The following WWOX variants were observed in gnomAD, a reference collection of about 807,000 sequenced individuals.
WWOX encodes the protein WW domain containing oxidoreductase, also known as WW domain-containing oxidoreductase.
Under a neutral mutation model 46.2 loss-of-function variants are expected in WWOX, and 69 were observed. The observed-to-expected ratio is 1.49, with a 90% CI of 1.23 to 1.82. The LOEUF is 1.82. Among genes scored for constraint, WWOX ranks in the 40% most tolerant of loss-of-function variants. The pLI is 0.00. For synonymous variants in WWOX, 359 were observed against 202.6 expected, an observed-to-expected ratio of 1.77 and a Z score of -6.56; for missense variants, 919 against 542.6, an observed-to-expected ratio of 1.69 and a Z score of -6.89.
At position 79,034,064 on chromosome 16, in the gene WWOX, G is replaced by A. The variant is rs62040103; in HGVS notation, c.1057-177544G>A. ...GGCTCACGGCTGTGGCTGTGCCCAC[G>A]TGGTCTGTGTGGGCTGGTGGTAATG... On this transcript the variant is annotated intron_variant, in intron 8 of 8. Coordinates refer to ENST00000566780, the MANE Select transcript of WWOX (RefSeq NM_016373.4). Among the ~76,000 whole-genome samples the A allele has an allele frequency of 7.2e-5, 11 of 152,282 alleles. No individual in the cohort carries two copies. The East Asian group carries it at 1.5e-3, about 21-fold the overall frequency.
At chr16:78,128,923 C>T (rs1264714223) in intron 4 of WWOX, among the ~76,000 whole-genome samples, 1 of 152,192 alleles carries the variant, frequency 6.6e-6, no homozygotes, top group Non-Finnish European at 1.5e-5. Flanking sequence ...ATTAAAAATG[C>T]TGTTACAGCT....
intron 8 of WWOX, among the ~76,000 whole-genome samples, chr16:78,456,944 T>C (rs1567584377): frequency 6.6e-6 from 1 of 152,234 alleles, no homozygotes; most frequent in South Asian, 2.1e-4. Flanking sequence ...TTGCATTGTT[T>C]GAAGAGGGAA....
intron 5 of WWOX, among the ~76,000 whole-genome samples, chr16:78,364,666 A>G (rs866313308): frequency 1.0e-5 from 1 of 95,728 alleles, no homozygotes; most frequent in Admixed American, 9.3e-5. Flanking sequence ...CTCTTTCTCT[A>G]TAATACAGAA....
chr16:78,535,334 T>C (rs142659601), intron 8 of WWOX: 5 of 152,360 alleles, frequency 3.3e-5, no homozygotes, highest in African/African-American at 9.6e-5. Flanking sequence ...ATGGATGATA[T>C]GGGTAATGAC....
chr16:78,235,337 G>C (rs986823588), intron 5 of WWOX, among the ~76,000 whole-genome samples: 2 of 152,130 alleles, frequency 1.3e-5, no homozygotes, highest in African/African-American at 2.4e-5. Flanking sequence ...GGTCCTTGCT[G>C]TTGTCTGGTG....
chr16:78,425,111 TCC>T, intron 7 of WWOX, 56 bp downstream of exon 7: 1 of 1,602,012 alleles, frequency 6.2e-7, no homozygotes, highest in Non-Finnish European at 8.5e-7. Flanking sequence ...CAGCTAATAT[TCC>T]CCCAAGGCTC....
At chr16:78,615,581 C>T (rs1286033312) in intron 8 of WWOX, among the ~76,000 whole-genome samples, 3 of 151,840 alleles carry the variant, frequency 2.0e-5, no homozygotes, top group Non-Finnish European at 4.4e-5. Flanking sequence ...CCCCTGAGCC[C>T]AGGAGTTGGA....
intron 6 of WWOX, among the ~76,000 whole-genome samples, chr16:78,389,337 G>A (rs1485660977): frequency 6.6e-6 from 1 of 152,186 alleles, no homozygotes; most frequent in Non-Finnish European, 1.5e-5. Flanking sequence ...TAAAGCCCCA[G>A]ACATTCTTCT....
intron 8 of WWOX, chr16:79,203,339 A>G (rs1479389839): frequency 6.6e-6 from 1 of 152,204 alleles, no homozygotes; most frequent in East Asian, 1.9e-4. Flanking sequence ...CCACACACCT[A>G]ACTCAGACAT....
At chr16:79,130,126 A>G (rs939772675) in intron 8 of WWOX, among the ~76,000 whole-genome samples, 1 of 152,184 alleles carries the variant, frequency 6.6e-6, no homozygotes, top group African/African-American at 2.4e-5. Context: ...GATGTGTAAT[A>G]GAAAGGGAAT....
chr16:78,981,623 A>C (rs560786699), intron 8 of WWOX: 1 of 152,156 alleles, frequency 6.6e-6, no homozygotes, highest in African/African-American at 2.4e-5. Flanking sequence ...TTTTTGTTAG[A>C]GATGGGGTGG....
chr16:78,417,141 C>T (rs1234031912), intron 6 of WWOX, among the ~76,000 whole-genome samples: 3 of 151,984 alleles, frequency 2.0e-5, no homozygotes, highest in Non-Finnish European at 4.4e-5. Context: ...GGGGTGATTA[C>T]AGCTCACTGC....
intron 5 of WWOX, among the ~76,000 whole-genome samples, chr16:78,297,309 C>T (rs1194492792): frequency 6.6e-6 from 1 of 152,116 alleles, no homozygotes; most frequent in Non-Finnish European, 1.5e-5. Context: ...GTCCCTGAAC[C>T]CTGTTCCATG....
intron 4 of WWOX, among the ~76,000 whole-genome samples, chr16:78,150,276 G>A (rs940927570): frequency 6.6e-6 from 1 of 152,166 alleles, no homozygotes; most frequent in Non-Finnish European, 1.5e-5. Flanking sequence ...GCATGCGGAG[G>A]GGATGTGGAG....
intron 6 of WWOX, among the ~76,000 whole-genome samples, chr16:78,419,114 G>C (rs1028601394): frequency 5.9e-5 from 9 of 152,146 alleles, no homozygotes; most frequent in African/African-American, 1.9e-4. Flanking sequence ...TAGGATAAAA[G>C]TTTAATATGC....
intron 8 of WWOX, among the ~76,000 whole-genome samples, chr16:78,651,111 C>A (rs1426332417): frequency 6.6e-6 from 1 of 152,178 alleles, no homozygotes. Flanking sequence ...GACCCAAGGC[C>A]CAGGTACCTG....
intron 8 of WWOX, among the ~76,000 whole-genome samples, chr16:78,483,351 C>T (rs1301773135): frequency 6.6e-6 from 1 of 150,810 alleles, no homozygotes; most frequent in Admixed American, 6.6e-5. Context: ...CTCCCGTCTG[C>T]AGAAGCATTG....
intron 8 of WWOX, among the ~76,000 whole-genome samples, chr16:78,645,822 C>G (rs2046826440): frequency 6.6e-6 from 1 of 152,246 alleles, no homozygotes; most frequent in South Asian, 2.1e-4. Flanking sequence ...GGGCCAAAAT[C>G]AAGGTGTTGG....
rs931510566 is a variant in WWOX, at chr16:78,592,505, A to G, written c.1056+159753A>G. Among the ~76,000 whole-genome samples, 19 of 152,320 alleles carry G rather than the reference A, an allele frequency of 1.2e-4. 1 individual carries two copies. Among genetic ancestry groups the G allele is most frequent in the Admixed American group, 1.0e-3 (16 of 15,302 alleles). ...TTATTCCTCAAGCCCCTGGACTCGC[A>G]GAGAATCAGGTGTATGAAGCAAGAG... On this transcript the variant is annotated intron_variant, in intron 8 of 8. Coordinates refer to ENST00000566780, the MANE Select transcript of WWOX (RefSeq NM_016373.4).
Sources: gnomAD v4.1 joint callset for allele counts (sites outside exome capture counted in the v4.1 genomes callset) on GRCh38, gnomAD v4.1.1 for gene constraint, MANE v1.5 for transcripts, NCBI Gene and HGNC (gene_info 2026-07-23, HGNC 2026-07-21) for gene names.